Variants in MGAT4C observed in about 807,000 individuals in gnomAD.
The protein encoded by MGAT4C is alpha-1,3-mannosyl-glycoprotein 4-beta-N-acetylglucosaminyltransferase C.
In MGAT4C, 19 loss-of-function variants were observed where a neutral mutation model predicts 40.1. The observed-to-expected ratio is 0.47, with a 90% CI of 0.33 to 0.70. The LOEUF is 0.70. Ranked by LOEUF, MGAT4C falls within the 30% of genes least tolerant of loss-of-function variation. The probability of loss-of-function intolerance (pLI) is 0.02; values close to 1 mark genes in which losing one functional copy is unlikely to be tolerated. For synonymous variants in MGAT4C, 181 were observed against 187.1 expected (o/e 0.97, Z 0.27); for missense variants, 491 against 563.2 (o/e 0.87, Z 1.30).
chr12:86,489,816 G>C (rs770869487), intron 2 of MGAT4C, among the ~76,000 whole-genome samples: 113 of 152,076 alleles, frequency 7.4e-4, no homozygotes, highest in Non-Finnish European at 1.3e-3. Flanking sequence ...TGGAAGAAAG[G>C]GTATCAGTGA....
chr12:86,370,059 A>G (rs899153264), intron 3 of MGAT4C, among the ~76,000 whole-genome samples: 4 of 151,984 alleles, frequency 2.6e-5, no homozygotes, highest in Non-Finnish European at 4.4e-5. Context: ...CCATATATAA[A>G]TAACTATTTT....
In MGAT4C at chr12:86,451,024, T is replaced by C. The variant is rs186627015; in HGVS notation, c.-228-15759A>G. Among the ~76,000 whole-genome samples the C allele has an allele frequency of 6.6e-5, 10 of 152,234 alleles. No individual in the cohort carries two copies. In the East Asian group the frequency reaches 1.7e-3, roughly 26 times the overall value. ...CTATATCAGTCTTATTTGGTTCCTT[T>C]GAAGGTGATGTGGTTTGGATGTATG... On this transcript the variant is annotated intron_variant, in intron 2 of 7. Transcript: ENST00000548651.
intron 1 of MGAT4C, among the ~76,000 whole-genome samples, chr12:86,242,563 T>C (rs887309979): frequency 2.0e-5 from 3 of 152,314 alleles, no homozygotes; most frequent in East Asian, 1.9e-4. Flanking sequence ...TCAGGACACA[T>C]TGACTTTGGA....
At chr12:86,285,957 C>A (rs945880568) in intron 4 of MGAT4C, among the ~76,000 whole-genome samples, 1 of 151,938 alleles carries the variant, frequency 6.6e-6, no homozygotes, top group African/African-American at 2.4e-5. Flanking sequence ...ATAAGACATA[C>A]CCACACATTC....
At chr12:86,795,874 T>G (rs1196167776) in intron 1 of MGAT4C, among the ~76,000 whole-genome samples, 1 of 151,976 alleles carries the variant, frequency 6.6e-6, no homozygotes, top group Non-Finnish European at 1.5e-5. Context: ...TGCAGATCTT[T>G]TTATGAATGC....
At chr12:86,467,625 C>A (rs1957700735) in intron 2 of MGAT4C, among the ~76,000 whole-genome samples, 1 of 151,960 alleles carries the variant, frequency 6.6e-6, no homozygotes, top group South Asian at 2.1e-4. Flanking sequence ...ATATTTATTG[C>A]AAAAATAAAT....
At chr12:86,354,053 G>GA (rs1566313962) in intron 3 of MGAT4C, among the ~76,000 whole-genome samples, 1 of 152,066 alleles carries the variant, frequency 6.6e-6, no homozygotes, top group African/African-American at 2.4e-5. Context: ...TGAAAAGTTC[G>GA]AAAAAACTTT....
At chr12:86,024,595 CTG>C (rs1283650103) in intron 2 of MGAT4C, among the ~76,000 whole-genome samples, 2 of 151,744 alleles carry the variant, frequency 1.3e-5, no homozygotes, top group African/African-American at 4.8e-5. Flanking sequence ...GGCCACAAAA[CTG>C]TACATCATAG....
chr12:86,253,482 GTC>G (rs1411732976), intron 1 of MGAT4C, among the ~76,000 whole-genome samples: 2 of 151,856 alleles, frequency 1.3e-5, no homozygotes, highest in Non-Finnish European at 2.9e-5. Flanking sequence ...CGAATTATTA[GTC>G]TCTGTTTCCT....
chr12:86,329,623 G>C (rs1350862585), intron 4 of MGAT4C, among the ~76,000 whole-genome samples: 4 of 152,022 alleles, frequency 2.6e-5, no homozygotes, highest in African/African-American at 9.7e-5. Context: ...ATGTACTTTT[G>C]CTGCTTCCCT....
chr12:86,814,990 T>TA (rs1952571766), intron 1 of MGAT4C, among the ~76,000 whole-genome samples: 1 of 151,948 alleles, frequency 6.6e-6, no homozygotes, highest in South Asian at 2.1e-4. Flanking sequence ...AAATCAATTA[T>TA]AAAATGAAAA....
chr12:86,641,786 A>T (rs1963399004), intron 2 of MGAT4C, among the ~76,000 whole-genome samples: 1 of 151,840 alleles, frequency 6.6e-6, no homozygotes, highest in African/African-American at 2.4e-5. Context: ...AAGGAGTATA[A>T]TATACAATTC....
intron 4 of MGAT4C, among the ~76,000 whole-genome samples, chr12:86,315,051 T>C (rs1954169786): frequency 6.6e-6 from 1 of 150,724 alleles, no homozygotes; most frequent in Non-Finnish European, 1.5e-5. Context: ...AAGAAAACCT[T>C]AAAAAAAACA....
At chr12:86,168,836 AAC>A (rs2135823012) in intron 1 of MGAT4C, among the ~76,000 whole-genome samples, 1 of 152,220 alleles carries the variant, frequency 6.6e-6, no homozygotes, top group South Asian at 2.1e-4. Flanking sequence ...TGCTTCAGAA[AAC>A]AAAAGAGTCT....
intron 1 of MGAT4C, among the ~76,000 whole-genome samples, chr12:86,774,281 C>CTCTTTCTTTTTCTTTCTTTCTT (rs1951692960): frequency 5.1e-5 from 3 of 58,934 alleles, no homozygotes; most frequent in African/African-American, 1.9e-4. Context: ...CTAAGGCTTG[C>CTCTTTCTTTTTCTTTCTTTCTT]TCTTTCTTTC....
At chr12:86,696,779 A>C (rs1164765108) in intron 2 of MGAT4C, among the ~76,000 whole-genome samples, 1 of 152,274 alleles carries the variant, frequency 6.6e-6, no homozygotes, top group African/African-American at 2.4e-5. Flanking sequence ...ATTAATTAGC[A>C]TCATTCTCAT....
At chr12:86,700,816 C>G (rs969927178) in intron 2 of MGAT4C, among the ~76,000 whole-genome samples, 1 of 151,926 alleles carries the variant, frequency 6.6e-6, no homozygotes, top group Admixed American at 6.6e-5. Context: ...TCATGTGATT[C>G]GTTCCAAAAA....
chr12:85,956,379 T>G lies in MGAT4C; in HGVS notation c.*22910A>C, dbSNP rs1463356310. ...CATTTATGCTAACATGGGAATCTGA[T>G]TCTCAATAACTTCGGTGTTTTGTTT... On this transcript the variant is annotated 3_prime_UTR_variant, in exon 5 of 5. Coordinates refer to ENST00000611864, the MANE Select transcript of MGAT4C (RefSeq NM_001351288.2). 1 of 152,196 alleles carries G rather than the reference T, an allele frequency of 6.6e-6. No individual in the cohort carries two copies. The highest frequency in any genetic ancestry group is 2.4e-5 in the African/African-American group (1 of 41,468). 9.4% of individuals were successfully genotyped at this position (152,196 alleles called of 1,614,324 possible). A position where few individuals can be genotyped will look rare whatever the true frequency, so the allele number is the denominator to read the frequency against.
chr12:86,720,010 A>G (rs1008100167), intron 2 of MGAT4C, among the ~76,000 whole-genome samples: 5 of 152,194 alleles, frequency 3.3e-5, no homozygotes, highest in Non-Finnish European at 7.3e-5. Context: ...ACAGAGGGCT[A>G]TCTTGAATTT....
Sources: allele counts gnomAD v4.1 joint callset (sites outside exome capture counted in the v4.1 genomes callset), GRCh38; gene constraint gnomAD v4.1.1; transcripts MANE v1.5; gene names NCBI Gene and HGNC (gene_info 2026-07-23, HGNC 2026-07-21).